Variants in ARID1B observed in about 807,000 individuals in gnomAD.
ARID1B encodes AT-rich interaction domain 1B.
In ARID1B, 30 loss-of-function variants were observed where a neutral mutation model predicts 212.3. That is an observed-to-expected ratio of 0.14 (90% CI 0.11 to 0.19). The LOEUF is 0.19. Among genes scored for constraint, ARID1B ranks in the 10% least tolerant of loss-of-function variants. The pLI is 1.00. For missense variants in ARID1B, 2,891 were observed against 3,204.0 expected, an observed-to-expected ratio of 0.90 and a Z score of 2.36; for synonymous variants, 1,402 against 1,301.7, an observed-to-expected ratio of 1.08 and a Z score of -1.66.
intron 1 of ARID1B, among the ~76,000 whole-genome samples, chr6:156,823,780 G>A (rs1471533855): frequency 6.9e-6 from 1 of 145,304 alleles, no homozygotes; most frequent in East Asian, 2.2e-4. Flanking sequence ...GCATAAAGAT[G>A]TATCTAATAA....
intron 4 of ARID1B, among the ~76,000 whole-genome samples, chr6:156,968,922 A>G (rs1474844288): frequency 2.0e-5 from 3 of 152,212 alleles, no homozygotes; most frequent in Non-Finnish European, 4.4e-5. Context: ...TGAAGGGCGC[A>G]AGCCCCTGGG....
At chr6:157,116,998 G>T (rs1787362864) in intron 6 of ARID1B, among the ~76,000 whole-genome samples, 1 of 152,040 alleles carries the variant, frequency 6.6e-6, no homozygotes. Context: ...CTGGTATTTT[G>T]TCCAGCCAAA....
intron 5 of ARID1B, among the ~76,000 whole-genome samples, chr6:157,105,983 C>T (rs1458476927): frequency 6.6e-6 from 1 of 152,056 alleles, no homozygotes; most frequent in Non-Finnish European, 1.5e-5. Context: ...TTGCTTGTAG[C>T]AATGTAAATT....
At chr6:156,852,971 G>A (rs149475646) in intron 2 of ARID1B, among the ~76,000 whole-genome samples, 65 of 152,312 alleles carry the variant, frequency 4.3e-4, no homozygotes, top group African/African-American at 1.5e-3. Flanking sequence ...GGAGTAGCCT[G>A]TTATAATGCT....
rs1794474493 is a variant in ARID1B at position 157,206,638 on chromosome 6, C to T, written c.5866C>T (p.His1956Tyr). 1.2e-6 allele frequency: 2 copies of T among 1,613,878 alleles called. No homozygotes were observed. The highest frequency in any genetic ancestry group is 1.7e-6 in the Non-Finnish European group (2 of 1,180,038). The change falls in exon 20 of 20, where the codon CAC becomes TAC. Residue 1956 changes from histidine (H) to tyrosine (Y), a missense_variant. His to Tyr is a moderately conservative substitution (Grantham distance 83, BLOSUM62 2). Transcript: ENST00000636930. The surrounding 1 kb of genome is among the most constrained non-coding windows in gnomAD (Gnocchi z 6.8). The part of the protein sequence containing the change: ...GGDTTEHIQT[H>Y]FESKMEIPPR... ...TGACACCACCGAGCACATTCAGACT[C>T]ACTTTGAGAGCAAGATGGAAATTCC... is the stretch of plus-strand genomic sequence containing the variant.
intron 1 of ARID1B, among the ~76,000 whole-genome samples, chr6:156,797,665 G>A (rs902458505): frequency 6.6e-6 from 1 of 152,206 alleles, no homozygotes. Flanking sequence ...GTGCCAGGCT[G>A]TGGTTTTGGA....
At chr6:157,202,923 T>A (rs1794204392) in intron 18 of ARID1B, among the ~76,000 whole-genome samples, 1 of 152,138 alleles carries the variant, frequency 6.6e-6, no homozygotes, top group South Asian at 2.1e-4. Context: ...AATAAATACA[T>A]CTAAATTTTC....
chr6:157,137,450 A>G (rs1035569101), intron 7 of ARID1B, among the ~76,000 whole-genome samples: 1 of 152,202 alleles, frequency 6.6e-6, no homozygotes, highest in African/African-American at 2.4e-5. Context: ...TAACATGTTA[A>G]TTATTAATAA....
chr6:157,134,295 T>C (rs1194601508), intron 7 of ARID1B, among the ~76,000 whole-genome samples: 1 of 152,234 alleles, frequency 6.6e-6, no homozygotes, highest in Non-Finnish European at 1.5e-5. Context: ...AAGCGAGTTA[T>C]TATCTTGTGT....
intron 4 of ARID1B, among the ~76,000 whole-genome samples, chr6:156,957,383 TCAGCTTCA>T (rs1293629320): frequency 6.6e-6 from 1 of 152,050 alleles, no homozygotes; most frequent in Non-Finnish European, 1.5e-5. Context: ...AGTACCAGGG[TCAGCTTCA>T]GGTAGGAGGA....
chr6:157,016,159 T>A (rs1779907754), intron 4 of ARID1B, among the ~76,000 whole-genome samples: 1 of 152,236 alleles, frequency 6.6e-6, no homozygotes, highest in Non-Finnish European at 1.5e-5. Flanking sequence ...TCAGTATTAA[T>A]CGTTATTTCC....
At position 157,196,283 on chromosome 6, in the gene ARID1B, G is replaced by A. The variant is rs2128357266; in HGVS notation, c.4350G>A (p.Gln1450=). Residue 1450 remains glutamine, a synonymous_variant, in exon 16 of 20, where the codon CAG becomes CAA. Transcript: ENST00000636930. Reference sequence around the variant, plus strand: ...CTAACCTGGGCATGGGGCAGCGCCAGCAGTTTCCCTATGGAGCCAGTTACG... The same window carrying A: ...CTAACCTGGGCATGGGGCAGCGCCAACAGTTTCCCTATGGAGCCAGTTACG... ...AMSNLGMGQR[Q]QFPYGASYDR... The A allele has an allele frequency of 6.2e-7, 1 of 1,604,280 alleles. No homozygotes were observed. The highest frequency in any genetic ancestry group is 2.2e-5 in the East Asian group (1 of 44,820).
chr6:156,844,706 G>C lies in ARID1B; in HGVS notation c.1986+15285G>C, dbSNP rs555841668. 6.6e-5 allele frequency among the ~76,000 whole-genome samples: 10 copies of C among 152,238 alleles called. No homozygotes were observed. The South Asian group carries it at 2.1e-3, about 32-fold the overall frequency. On this transcript the variant is annotated intron_variant, in intron 2 of 19. Transcript: ENST00000636930. The stretch of plus-strand genomic sequence containing the variant: ...GAATAAAAACTGACTGCCTTGCCCT[G>C]TATTTCCTTTTCCCTCTATCATCTT...
At chr6:157,039,666 C>CTTCCTTCCTTCCTTCTTTCTTTCTTTCT (rs780130222) in intron 4 of ARID1B, among the ~76,000 whole-genome samples, 1 of 49,384 alleles carries the variant, frequency 2.0e-5, no homozygotes, top group Admixed American at 1.8e-4. Flanking sequence ...TCCTTCCTTC[C>CTTCCTTCCTTCCTTCTTTCTTTCTTTCT]TTCCTTCCTT....
chr6:157,133,699 C>G (rs1045767230), intron 7 of ARID1B, among the ~76,000 whole-genome samples: 4 of 152,210 alleles, frequency 2.6e-5, no homozygotes, highest in African/African-American at 9.7e-5. Context: ...GTAGTTCTCA[C>G]TTTCCCAGTC....
chr6:157,032,300 A>G (rs143018569), intron 4 of ARID1B, among the ~76,000 whole-genome samples: 58 of 152,344 alleles, frequency 3.8e-4, no homozygotes, highest in African/African-American at 1.2e-3. Context: ...TTTCATGATT[A>G]TTAATGCTCT....
At chr6:157,044,225 C>T (rs372914832) in intron 4 of ARID1B, among the ~76,000 whole-genome samples, 6 of 152,124 alleles carry the variant, frequency 3.9e-5, no homozygotes, top group African/African-American at 1.4e-4. Context: ...GATTAGTCAC[C>T]CGTAAATATA....
intron 2 of ARID1B, among the ~76,000 whole-genome samples, chr6:156,893,184 A>T (rs1263672000): frequency 6.6e-6 from 1 of 151,954 alleles, no homozygotes; most frequent in African/African-American, 2.4e-5. Context: ...CTGGGATCAC[A>T]GGCACTCATC....
chr6:156,962,405 T>C (rs1583035403), intron 4 of ARID1B, among the ~76,000 whole-genome samples: 1 of 152,246 alleles, frequency 6.6e-6, no homozygotes, highest in African/African-American at 2.4e-5. Flanking sequence ...AAATTTTATT[T>C]TTTAATTTTA....
Sources: gnomAD v4.1 joint callset for allele counts (sites outside exome capture counted in the v4.1 genomes callset) on GRCh38, gnomAD v4.1.1 for gene constraint, Gnocchi (gnomAD v3.1) non-coding constraint, MANE v1.5 for transcripts, NCBI Gene and HGNC (gene_info 2026-07-23, HGNC 2026-07-21) for gene names.